The following SPOCK1 variants were observed in gnomAD, a reference collection of about 807,000 sequenced individuals.
SPOCK1 encodes SPARC (osteonectin), cwcv and kazal like domains proteoglycan 1.
Under a neutral mutation model 55.3 loss-of-function variants are expected in SPOCK1, and 23 were observed. That is an observed-to-expected ratio of 0.42 (90% CI 0.30 to 0.59). SPOCK1 has a LOEUF of 0.59. Ranked by LOEUF, SPOCK1 falls within the 20% of genes least tolerant of loss-of-function variation. The probability of loss-of-function intolerance (pLI) is 0.22; values close to 1 mark genes in which losing one functional copy is unlikely to be tolerated. For missense variants in SPOCK1, 499 were observed against 552.5 expected (o/e 0.90, Z 0.97); for synonymous variants, 226 against 221.0 (o/e 1.02, Z -0.20).
intron 6 of SPOCK1, among the ~76,000 whole-genome samples, chr5:137,051,905 C>T (rs951956355): frequency 6.6e-6 from 1 of 152,198 alleles, no homozygotes; most frequent in Non-Finnish European, 1.5e-5. Context: ...CCTTGATTTT[C>T]TGCTGGCTTA....
chr5:137,005,207 A>C (rs927102312), intron 6 of SPOCK1, among the ~76,000 whole-genome samples: 3 of 152,210 alleles, frequency 2.0e-5, no homozygotes, highest in African/African-American at 7.2e-5. Context: ...TAAATCCCTG[A>C]AGCAAGTGCC....
chr5:137,412,008 C>T (rs1241286043), intron 2 of SPOCK1, among the ~76,000 whole-genome samples: 2 of 152,200 alleles, frequency 1.3e-5, no homozygotes, highest in African/African-American at 4.8e-5. Context: ...GAGAGACACT[C>T]TAGGACTCTG....
At chr5:137,441,109 GT>G (rs1752995689) in intron 2 of SPOCK1, among the ~76,000 whole-genome samples, 2 of 152,322 alleles carry the variant, frequency 1.3e-5, no homozygotes, top group South Asian at 4.2e-4. Context: ...ATAGAAATAG[GT>G]GAGTCACAAT....
intron 3 of SPOCK1, among the ~76,000 whole-genome samples, chr5:137,178,419 T>C (rs980882269): frequency 2.6e-5 from 4 of 152,238 alleles, no homozygotes; most frequent in Non-Finnish European, 5.9e-5. Context: ...ATTTTTGATG[T>C]CTGGTAGGCA....
chr5:137,040,976 G>T (rs1751985891), intron 6 of SPOCK1, among the ~76,000 whole-genome samples: 1 of 152,056 alleles, frequency 6.6e-6, no homozygotes, highest in Admixed American at 6.5e-5. Context: ...CATGTATCAG[G>T]CAAAAAGGCT....
chr5:137,062,892 G>A (rs1752420077), intron 6 of SPOCK1, among the ~76,000 whole-genome samples: 1 of 152,174 alleles, frequency 6.6e-6, no homozygotes, highest in Non-Finnish European at 1.5e-5. Flanking sequence ...AGAGAGATAA[G>A]GCAATGAAGT....
intron 6 of SPOCK1, among the ~76,000 whole-genome samples, chr5:137,036,006 A>G (rs1751878068): frequency 6.6e-6 from 1 of 152,172 alleles, no homozygotes; most frequent in African/African-American, 2.4e-5. Context: ...GAGGGAGACT[A>G]GCAGAAAAGG....
chr5:136,991,768 CAA>C (rs1352465337), intron 7 of SPOCK1, among the ~76,000 whole-genome samples: 1 of 152,178 alleles, frequency 6.6e-6, no homozygotes, highest in Non-Finnish European at 1.5e-5. Context: ...TTAAAGGCAT[CAA>C]AGAGACTCCA....
chr5:137,363,585 C>T (rs1440133756), intron 2 of SPOCK1, among the ~76,000 whole-genome samples: 1 of 152,150 alleles, frequency 6.6e-6, no homozygotes, highest in Non-Finnish European at 1.5e-5. Context: ...CACCTGTATA[C>T]AAAAGTTAAG....
At chr5:137,472,299 C>G (rs1381250403) in intron 2 of SPOCK1, among the ~76,000 whole-genome samples, 1 of 152,118 alleles carries the variant, frequency 6.6e-6, no homozygotes, top group Non-Finnish European at 1.5e-5. Flanking sequence ...TCAACTCCCC[C>G]ATCACCACCT....
intron 9 of SPOCK1, among the ~76,000 whole-genome samples, chr5:136,983,147 C>G (rs546054543): frequency 6.6e-6 from 1 of 152,204 alleles, no homozygotes. Context: ...TCCACTGTAG[C>G]TTTCTATGCC....
intron 6 of SPOCK1, among the ~76,000 whole-genome samples, chr5:137,026,589 TTCCCTC>T (rs755519940): frequency 8.5e-5 from 13 of 152,132 alleles, no homozygotes; most frequent in African/African-American, 1.7e-4. Flanking sequence ...TCAATACAAT[TTCCCTC>T]TCCCTCTCCC....
intron 3 of SPOCK1, among the ~76,000 whole-genome samples, chr5:137,157,432 T>A (rs1481964937): frequency 6.6e-6 from 1 of 152,212 alleles, no homozygotes; most frequent in African/African-American, 2.4e-5. Context: ...CCTGGAGAAT[T>A]TTCCCCCTCC....
At chr5:137,467,777 G>A (rs1753650969) in intron 2 of SPOCK1, among the ~76,000 whole-genome samples, 1 of 152,180 alleles carries the variant, frequency 6.6e-6, no homozygotes, top group Non-Finnish European at 1.5e-5. Flanking sequence ...TGAGGTTGAA[G>A]GTATCTTGCA....
chr5:137,034,637 G>A (rs1751846962), intron 6 of SPOCK1, among the ~76,000 whole-genome samples: 1 of 152,224 alleles, frequency 6.6e-6, no homozygotes, highest in South Asian at 2.1e-4. Context: ...TTGTCTCAGA[G>A]AGGTTAAATG....
At chr5:137,027,046 GT>G (rs1561584081) in intron 6 of SPOCK1, among the ~76,000 whole-genome samples, 1 of 152,056 alleles carries the variant, frequency 6.6e-6, no homozygotes, top group African/African-American at 2.4e-5. Context: ...TTTTATGATT[GT>G]TTTATTTTCT....
At chr5:137,476,701 G>C (rs1561545800) in intron 2 of SPOCK1, among the ~76,000 whole-genome samples, 1 of 152,196 alleles carries the variant, frequency 6.6e-6, no homozygotes, top group Non-Finnish European at 1.5e-5. Flanking sequence ...GAGGCAAGTG[G>C]ATCACTTGAG....
At chr5:136,979,764 A>G (rs1280373878) in intron 9 of SPOCK1, among the ~76,000 whole-genome samples, 1 of 152,204 alleles carries the variant, frequency 6.6e-6, no homozygotes, top group African/African-American at 2.4e-5. Flanking sequence ...GTATGTGTAT[A>G]TATACATACA....
At chr5:137,325,731 T>C (rs1287371510) in intron 2 of SPOCK1, among the ~76,000 whole-genome samples, 2 of 152,114 alleles carry the variant, frequency 1.3e-5, no homozygotes. Flanking sequence ...CATATGTTAA[T>C]ACCAGGAAAT....
Sources: allele counts gnomAD v4.1 joint callset (sites outside exome capture counted in the v4.1 genomes callset), GRCh38; gene constraint gnomAD v4.1.1; transcripts MANE v1.5; gene names NCBI Gene and HGNC (gene_info 2026-07-23, HGNC 2026-07-21).